The following RPH3A variants were observed in gnomAD, a reference collection of about 807,000 sequenced individuals.
RPH3A encodes rabphilin-3A.
RPH3A carries 48 observed loss-of-function variants against 102.2 expected under a neutral mutation model. That is an observed-to-expected ratio of 0.47 (90% CI 0.37 to 0.60). The LOEUF (loss-of-function observed/expected upper bound fraction) is 0.60. Ranked by LOEUF, RPH3A falls within the 20% of genes least tolerant of loss-of-function variation. RPH3A has a pLI of 0.00. For missense variants in RPH3A, 781 were observed against 910.1 expected (o/e 0.86, Z 1.83); for synonymous variants, 310 against 324.3 (o/e 0.96, Z 0.47).
chr12:112,666,763 C>T (rs1440981686), intron 1 of RPH3A, among the ~76,000 whole-genome samples: 1 of 152,166 alleles, frequency 6.6e-6, no homozygotes, highest in Non-Finnish European at 1.5e-5. Flanking sequence ...ACTCCCAGCA[C>T]ATCTACTTTG....
chr12:112,749,663 T>A (rs758906194), intron 1 of RPH3A, among the ~76,000 whole-genome samples: 2 of 152,160 alleles, frequency 1.3e-5, no homozygotes, highest in South Asian at 2.1e-4. Flanking sequence ...ATTAATTAAA[T>A]CAGTAAATAA....
At chr12:112,774,853 A>G (rs149703385) in intron 1 of RPH3A, among the ~76,000 whole-genome samples, 6 of 152,314 alleles carry the variant, frequency 3.9e-5, no homozygotes, top group African/African-American at 1.2e-4. Context: ...GAAAAATTGC[A>G]TGCTGGGCTT....
chr12:112,724,025 T>C (rs976475542), intron 1 of RPH3A, among the ~76,000 whole-genome samples: 4 of 151,730 alleles, frequency 2.6e-5, no homozygotes, highest in African/African-American at 9.7e-5. Context: ...AATTATGACA[T>C]ACTTAACTTT....
intron 19 of RPH3A, chr12:112,894,155 G>C (rs1237296701): frequency 4.9e-6 from 1 of 202,270 alleles, no homozygotes; most frequent in Non-Finnish European, 9.7e-6. Flanking sequence ...CTAGGGATTG[G>C]GGGCAGCCTA....
At chr12:112,719,112 G>A (rs1210665092) in intron 1 of RPH3A, among the ~76,000 whole-genome samples, 1 of 152,302 alleles carries the variant, frequency 6.6e-6, no homozygotes, top group East Asian at 1.9e-4. Flanking sequence ...GAAGAAAGCT[G>A]CTAAATATCC....
intron 2 of RPH3A, among the ~76,000 whole-genome samples, chr12:112,819,580 C>T (rs779596999): frequency 3.9e-5 from 6 of 152,204 alleles, no homozygotes; most frequent in Admixed American, 6.5e-5. Context: ...ACAAACCACC[C>T]CACAAAATAG....
chr12:112,856,902 G>A (rs187090398), intron 5 of RPH3A, among the ~76,000 whole-genome samples: 1 of 152,282 alleles, frequency 6.6e-6, no homozygotes, highest in African/African-American at 2.4e-5. Flanking sequence ...GCTCGGAAAG[G>A]TTAAGGAGAT....
chr12:112,751,171 C>T (rs1446707570), intron 1 of RPH3A, among the ~76,000 whole-genome samples: 1 of 152,170 alleles, frequency 6.6e-6, no homozygotes. Flanking sequence ...TAACTGCATA[C>T]TCACTACATG....
intron 2 of RPH3A, among the ~76,000 whole-genome samples, chr12:112,812,707 C>T (rs1280231085): frequency 6.6e-6 from 1 of 152,182 alleles, no homozygotes; most frequent in African/African-American, 2.4e-5. Context: ...CTCCCTCTCT[C>T]CCTCACATAC....
intron 1 of RPH3A, among the ~76,000 whole-genome samples, chr12:112,600,378 A>G (rs1555277268): frequency 6.6e-6 from 1 of 152,192 alleles, no homozygotes; most frequent in Non-Finnish European, 1.5e-5. Context: ...CTGAGAGCTC[A>G]CTGCCTGCCC....
At chr12:112,648,395 T>C (rs536373114) in intron 1 of RPH3A, among the ~76,000 whole-genome samples, 48 of 151,158 alleles carry the variant, frequency 3.2e-4, no homozygotes, top group African/African-American at 1.2e-3. Flanking sequence ...TTTTGTTTGC[T>C]TTCGACTTAG....
intron 1 of RPH3A, among the ~76,000 whole-genome samples, chr12:112,658,782 T>C (rs1038610058): frequency 1.4e-4 from 22 of 152,228 alleles, no homozygotes; most frequent in African/African-American, 5.1e-4. Flanking sequence ...GTTTGATCTA[T>C]TGGGGCAAGA....
chr12:112,654,849 G>A (rs1316387802), intron 1 of RPH3A, among the ~76,000 whole-genome samples: 2 of 152,084 alleles, frequency 1.3e-5, no homozygotes, highest in East Asian at 1.9e-4. Flanking sequence ...TTTGATATTG[G>A]GATGAAGATC....
In RPH3A at chr12:112,794,399, G is replaced by A. The variant is rs529624026; in HGVS notation, c.-19+2136G>A. ...TGTGCTTGAGAATTTATCCTGTGTC[G>A]GGGAGAGGCCCTGTTTGGGGTGATT... On this transcript the variant is annotated intron_variant, in intron 2 of 21. Transcript: ENST00000389385. Among the ~76,000 whole-genome samples, 11 of 152,318 alleles carry A rather than the reference G, an allele frequency of 7.2e-5. No individual in the cohort carries two copies. In the Middle Eastern group the frequency reaches 0.01, roughly 141 times the overall value.
Position 112,869,891 on chromosome 12 carries a change from A to G in RPH3A, c.650-2A>G. 1 of 1,614,018 alleles carries G rather than the reference A, an allele frequency of 6.2e-7. No individual in the cohort carries two copies. Among genetic ancestry groups the G allele is most frequent in the Non-Finnish European group, 8.5e-7 (1 of 1,179,952 alleles). ...CTACTCAATTCATGCTCTTCTTTCC[A>G]GGCCCTGACCCAGCCTCTGCTCCCG... is the stretch of plus-strand genomic sequence containing the variant. On this transcript the variant is annotated splice_acceptor_variant, in intron 9 of 21. Transcript: ENST00000389385. LOFTEE classifies it high-confidence loss of function.
At chr12:112,618,090 C>T (rs1040650942) in intron 1 of RPH3A, among the ~76,000 whole-genome samples, 1 of 152,126 alleles carries the variant, frequency 6.6e-6, no homozygotes, top group Non-Finnish European at 1.5e-5. Context: ...CCTATGCCAA[C>T]CCCCCATGAG....
At chr12:112,581,268 TG>T (rs1339958454) in intron 1 of RPH3A, among the ~76,000 whole-genome samples, 2 of 152,158 alleles carry the variant, frequency 1.3e-5, no homozygotes, top group Non-Finnish European at 2.9e-5. Context: ...ACGTCTCACA[TG>T]GTGGCAGGCC....
intron 1 of RPH3A, among the ~76,000 whole-genome samples, chr12:112,583,662 A>G (rs1394625063): frequency 6.6e-6 from 1 of 152,038 alleles, no homozygotes; most frequent in Admixed American, 6.5e-5. Context: ...ACTACATCCT[A>G]TATCCATGCC....
chr12:112,808,721 T>G (rs1478344682), intron 2 of RPH3A, among the ~76,000 whole-genome samples: 1 of 152,188 alleles, frequency 6.6e-6, no homozygotes, highest in Non-Finnish European at 1.5e-5. Flanking sequence ...AGTACCGGTA[T>G]TGCCTGGAAC....
Sources: allele counts gnomAD v4.1 joint callset (sites outside exome capture counted in the v4.1 genomes callset), GRCh38; gene constraint gnomAD v4.1.1; transcripts MANE v1.5; gene names NCBI Gene and HGNC (gene_info 2026-07-23, HGNC 2026-07-21).